Variants in CCNJ observed in about 807,000 individuals in gnomAD.
CCNJ encodes the protein cyclin J, also known as cyclin-J.
CCNJ carries 12 observed loss-of-function variants against 41.4 expected under a neutral mutation model. The observed-to-expected ratio is 0.29, with a 90% confidence interval of 0.19 to 0.47. The LOEUF is 0.47. CCNJ is among the 20% of genes least tolerant of loss of function. CCNJ has a pLI of 1.00. For synonymous variants in CCNJ, 161 were observed against 173.4 expected, an observed-to-expected ratio of 0.93 and a Z score of 0.56; for missense variants, 340 against 464.6, an observed-to-expected ratio of 0.73 and a Z score of 2.47.
intron 3 of CCNJ, among the ~76,000 whole-genome samples, chr10:96,053,715 A>ATT (rs1208527124): frequency 2.0e-5 from 3 of 152,198 alleles, no homozygotes; most frequent in Non-Finnish European, 2.9e-5. Flanking sequence ...AGTAGTAACA[A>ATT]TTTGTAACAA....
chr10:96,046,557 A>C (rs2080369433), intron 2 of CCNJ, among the ~76,000 whole-genome samples: 1 of 152,194 alleles, frequency 6.6e-6, no homozygotes, highest in South Asian at 2.1e-4. Flanking sequence ...AGTGAACGAG[A>C]CATGATCCTT....
At chr10:96,048,413 C>T (rs1162878850) in intron 2 of CCNJ, among the ~76,000 whole-genome samples, 6 of 152,148 alleles carry the variant, frequency 3.9e-5, no homozygotes, top group African/African-American at 9.7e-5. Flanking sequence ...AGTGTAAAAG[C>T]GTTCCTTTTT....
intron 3 of CCNJ, among the ~76,000 whole-genome samples, chr10:96,052,053 CT>C (rs1414503308): frequency 6.6e-6 from 1 of 152,162 alleles, no homozygotes; most frequent in Non-Finnish European, 1.5e-5. Flanking sequence ...TCCCCTTAAT[CT>C]ACTGTTCTCT....
Position 96,050,307 on chromosome 10 carries a change from C to A in CCNJ, c.121C>A (p.Arg41=), listed in dbSNP as rs769713207. ...CCAGTCCCCTCAGTTAAGTCTCAGA[C>A]GGTATTTTGCTGACTTGATTGCCAT... ...KGQSPQLSLR[R]YFADLIAIVS... is the part of the protein sequence containing the mutation. The change falls in exon 3 of 6, where the codon CGG becomes AGG. Residue 41 remains arginine, a synonymous_variant. Coordinates refer to ENST00000465148, the MANE Select transcript of CCNJ (RefSeq NM_001134375.2). The A allele has an allele frequency of 6.2e-7, 1 of 1,613,924 alleles. No homozygotes were observed. The highest frequency in any genetic ancestry group is 1.3e-5 in the African/African-American group (1 of 74,876).
intron 1 of CCNJ, among the ~76,000 whole-genome samples, chr10:96,044,030 A>G (rs2080288407): frequency 6.6e-6 from 1 of 152,320 alleles, no homozygotes; most frequent in Admixed American, 6.5e-5. Context: ...CCCCGGACGC[A>G]GGGAGCCCCA....
chr10:96,056,680 C>A, intron 3 of CCNJ, 21 bp from the exon 4 acceptor site: 1 of 1,554,184 alleles, frequency 6.4e-7, no homozygotes, highest in South Asian at 1.2e-5. Context: ...TCTCTCCCCT[C>A]CCATCCCCTT....
chr10:96,051,440 T>C (rs1485127397), intron 3 of CCNJ, among the ~76,000 whole-genome samples: 1 of 152,230 alleles, frequency 6.6e-6, no homozygotes, highest in African/African-American at 2.4e-5. Context: ...TGTAGATGTA[T>C]TGATAACCTT....
At chr10:96,046,203 A>G (rs764514497) in intron 2 of CCNJ, among the ~76,000 whole-genome samples, 5 of 152,230 alleles carry the variant, frequency 3.3e-5, no homozygotes, top group Admixed American at 2.6e-4. Context: ...TCAGAGGACA[A>G]GGTAGCACAG....
intron 3 of CCNJ, among the ~76,000 whole-genome samples, chr10:96,056,085 A>G (rs149559332): frequency 0.05 from 7,655 of 152,266 alleles, 606 homozygotes; most frequent in African/African-American, 0.17. Flanking sequence ...CGAGGCAGGC[A>G]GATCACAAGG....
rs1324229765 is a variant in CCNJ, at chr10:96,059,042, G to A, written c.*801G>A. On this transcript the variant is annotated 3_prime_UTR_variant, in exon 6 of 6. Coordinates refer to ENST00000465148, the MANE Select transcript of CCNJ (RefSeq NM_001134375.2). ...TAGTGTGAACTACCTTTATAACATA[G>A]GTTAAAATACGCTTGCTAGGGTGTG... is the stretch of plus-strand genomic sequence containing the variant. 6.6e-6 allele frequency: 1 copy of A among 152,638 alleles called. No individual in the cohort carries two copies. Among genetic ancestry groups the A allele is most frequent in the Non-Finnish European group, 1.5e-5 (1 of 68,046 alleles). The allele number at this position is 152,638 out of a possible 1,614,324, so 9.5% of individuals were successfully genotyped here.
chr10:96,043,889 C>G (rs1413000012), intron 1 of CCNJ, among the ~76,000 whole-genome samples, 170 bp downstream of exon 1: 1 of 152,138 alleles, frequency 6.6e-6, no homozygotes, highest in Non-Finnish European at 1.5e-5. Context: ...AGCAGGCTCC[C>G]GACGTCCATG....
At position 96,044,381 on chromosome 10, in the gene CCNJ, G is replaced by A. The variant is rs2080302207; in HGVS notation, c.-13G>A. ...CGAGTTGCCGCGTCGGGCTGGGCGC[G>A]CCGCCGGGTCCCATGGAGCTGGAGG... On this transcript the variant is annotated 5_prime_UTR_variant, in exon 2 of 6. Transcript: ENST00000465148. 6 of 1,515,054 alleles carry A rather than the reference G, an allele frequency of 4.0e-6. No homozygotes were observed. In the Admixed American group the frequency reaches 8.0e-5, roughly 20 times the overall value. The allele number at this position is 1,515,054 out of a possible 1,614,324, so 93.9% of individuals were successfully genotyped here.
rs917714036 is a variant in CCNJ at position 96,060,833 on chromosome 10, T to A, written c.*2592T>A. On this transcript the variant is annotated 3_prime_UTR_variant, in exon 6 of 6. Transcript: ENST00000465148. ...CACCAATGGAATTAGATGAGTGCTATGCACTTAATTTTAAAATAAAACTAG... is the reference window on the plus strand; with the variant it reads ...CACCAATGGAATTAGATGAGTGCTAAGCACTTAATTTTAAAATAAAACTAG... 6.6e-6 allele frequency: 1 copy of A among 152,654 alleles called. No homozygotes were observed. Among genetic ancestry groups the A allele is most frequent in the African/African-American group, 2.4e-5 (1 of 41,466 alleles). The allele number at this position is 152,654 out of a possible 1,614,324, so 9.5% of individuals were successfully genotyped here.
chr10:96,057,790 A>G lies in CCNJ; in HGVS notation c.741-40A>G, dbSNP rs112770290. The stretch of plus-strand genomic sequence containing the variant: ...TGATTTTCTTGCAGATTTCTTCTCA[A>G]GCAGTATTTTTAATAGTTTCCTTTC... On this transcript the variant is annotated intron_variant, in intron 5 of 5. Transcript: ENST00000465148. 721 of 1,573,352 alleles carry G rather than the reference A, an allele frequency of 4.6e-4. 3 individuals carry two copies. The African/African-American group carries it at 7.8e-3, about 17-fold the overall frequency.
chr10:96,044,909 C>G (rs1225657955), intron 2 of CCNJ, among the ~76,000 whole-genome samples: 3 of 152,158 alleles, frequency 2.0e-5, no homozygotes, highest in Non-Finnish European at 4.4e-5. Flanking sequence ...TCTTGATTTC[C>G]TCATCTGTAA....
chr10:96,056,826 G>C lies in CCNJ; in HGVS notation c.406G>C (p.Glu136Gln), dbSNP rs2080709155. ...NLLHMELLLL[E>Q]TFQWNLCLPT... ...GCTACATATGGAACTATTATTATTAGAAACCTTTCAGTGGAACCTCTGCCT... is the reference window on the plus strand; with the variant it reads ...GCTACATATGGAACTATTATTATTACAAACCTTTCAGTGGAACCTCTGCCT... The change falls in exon 4 of 6, where the codon GAA becomes CAA. Residue 136 changes from glutamate to glutamine, a missense_variant. This residue lies in a region of CCNJ where 137 missense variants were observed against 252.9 expected (regional missense o/e 0.54). Coordinates refer to ENST00000465148, the MANE Select transcript of CCNJ (RefSeq NM_001134375.2). 1 of 1,614,008 alleles carries C rather than the reference G, an allele frequency of 6.2e-7. No individual in the cohort carries two copies. The highest frequency in any genetic ancestry group is 1.3e-5 in the African/African-American group (1 of 74,898).
At chr10:96,046,345 C>G (rs1156956085) in intron 2 of CCNJ, among the ~76,000 whole-genome samples, 1 of 152,212 alleles carries the variant, frequency 6.6e-6, no homozygotes, top group Admixed American at 6.5e-5. Context: ...TTACATTAAT[C>G]TGTAAAACTT....
Position 96,050,265 on chromosome 10 carries a change from T to C in CCNJ, c.79T>C (p.Leu27=), listed in dbSNP as rs950993392. The C allele has an allele frequency of 6.2e-7, 1 of 1,613,484 alleles. No homozygotes were observed. The highest frequency in any genetic ancestry group is 8.5e-7 in the Non-Finnish European group (1 of 1,179,382). ...HQALRYKELK[L]PSYKGQSPQL... ...GTTCCTTTTGACTTAGGAGCTGAAG[T>C]TGCCCTCCTATAAAGGCCAGTCCCC... The change falls in exon 3 of 6, where the codon TTG becomes CTG. Residue 27 remains leucine, a synonymous_variant. Coordinates refer to ENST00000465148, the MANE Select transcript of CCNJ (RefSeq NM_001134375.2).
chr10:96,054,596 AC>A (rs1373102678), intron 3 of CCNJ, among the ~76,000 whole-genome samples: 9 of 152,330 alleles, frequency 5.9e-5, no homozygotes, highest in Non-Finnish European at 1.0e-4. Context: ...GCTTAATAAT[AC>A]AGAAATCTGT....
Sources: allele counts gnomAD v4.1 joint callset (sites outside exome capture counted in the v4.1 genomes callset), GRCh38; gene constraint gnomAD v4.1.1; regional missense constraint gnomAD v4.1.1; transcripts MANE v1.5; gene names NCBI Gene and HGNC (gene_info 2026-07-23, HGNC 2026-07-21).